TMTC2: variants seen among roughly 807,000 people sequenced by gnomAD.
The protein encoded by TMTC2 is transmembrane O-mannosyltransferase targeting cadherins 2.
TMTC2 carries 43 observed loss-of-function variants against 82.4 expected under a neutral mutation model. That is an observed-to-expected ratio of 0.52 (90% confidence interval 0.41 to 0.67). TMTC2 has a LOEUF of 0.67. Among genes scored for constraint, TMTC2 ranks in the 30% least tolerant of loss-of-function variants. The pLI is 0.00. For missense variants in TMTC2, 919 were observed against 1,012.4 expected, an observed-to-expected ratio of 0.91 and a Z score of 1.25; for synonymous variants, 408 against 381.9, an observed-to-expected ratio of 1.07 and a Z score of -0.80.
intron 1 of TMTC2, among the ~76,000 whole-genome samples, chr12:82,775,838 C>T (rs1877563731): frequency 6.6e-6 from 1 of 151,908 alleles, no homozygotes; most frequent in Non-Finnish European, 1.5e-5. Context: ...AAATTCTGCT[C>T]AGTTTCCTTT....
intron 4 of TMTC2, among the ~76,000 whole-genome samples, chr12:82,941,093 G>T (rs1000596098): frequency 6.6e-6 from 1 of 152,118 alleles, no homozygotes; most frequent in Non-Finnish European, 1.5e-5. Flanking sequence ...ATATAAAGGG[G>T]AACATGGTGT....
chr12:83,118,419 T>C (rs890029802), intron 11 of TMTC2, among the ~76,000 whole-genome samples: 1 of 152,208 alleles, frequency 6.6e-6, no homozygotes, highest in African/African-American at 2.4e-5. Flanking sequence ...TCGGCATCTA[T>C]TAAGATGATC....
At chr12:83,052,013 C>G (rs1177371131) in intron 10 of TMTC2, among the ~76,000 whole-genome samples, 3 of 152,020 alleles carry the variant, frequency 2.0e-5, no homozygotes, top group Non-Finnish European at 2.9e-5. Context: ...ACATGTAACT[C>G]CTCCCATATT....
intron 1 of TMTC2, among the ~76,000 whole-genome samples, chr12:82,793,694 A>G (rs1878570611): frequency 6.6e-6 from 1 of 152,130 alleles, no homozygotes; most frequent in African/African-American, 2.4e-5. Flanking sequence ...TAGGAGCTAT[A>G]TGGTATGGGG....
intron 8 of TMTC2, among the ~76,000 whole-genome samples, chr12:82,997,348 G>GTGTATATA (rs1879685001): frequency 9.3e-5 from 2 of 21,598 alleles, no homozygotes; most frequent in African/African-American, 1.1e-4. Flanking sequence ...GTGTGTGTGT[G>GTGTATATA]TATATATATA....
At chr12:82,906,946 T>G (rs1438829536) in intron 3 of TMTC2, among the ~76,000 whole-genome samples, 4 of 152,204 alleles carry the variant, frequency 2.6e-5, no homozygotes, top group Non-Finnish European at 5.9e-5. Context: ...TCTCAGTCCA[T>G]ATCTTCTCTA....
intron 11 of TMTC2, among the ~76,000 whole-genome samples, chr12:83,128,041 G>T (rs1885148370): frequency 1.3e-5 from 2 of 152,288 alleles, no homozygotes; most frequent in East Asian, 1.9e-4. Context: ...TGAAGTAGGA[G>T]ATGGTGTCAT....
At chr12:82,806,117 G>A (rs1401981041) in intron 1 of TMTC2, among the ~76,000 whole-genome samples, 1 of 152,086 alleles carries the variant, frequency 6.6e-6, no homozygotes, top group African/African-American at 2.4e-5. Flanking sequence ...AGCACTGGGA[G>A]GAATTGGAAG....
chr12:82,810,247 C>T (rs927905462), intron 1 of TMTC2, among the ~76,000 whole-genome samples: 8 of 151,086 alleles, frequency 5.3e-5, no homozygotes, highest in African/African-American at 9.7e-5. Flanking sequence ...GAAGCTTATA[C>T]TGATTACTGT....
intron 11 of TMTC2, among the ~76,000 whole-genome samples, chr12:83,064,023 TTTTTC>T (rs1446574811): frequency 3.0e-5 from 4 of 134,508 alleles, no homozygotes; most frequent in East Asian, 2.3e-4. Flanking sequence ...GAGATCAGAG[TTTTTC>T]TTTTTTTTTT....
At chr12:82,955,523 T>C (rs1877567448) in intron 4 of TMTC2, among the ~76,000 whole-genome samples, 1 of 151,992 alleles carries the variant, frequency 6.6e-6, no homozygotes, top group Non-Finnish European at 1.5e-5. Context: ...ATGGGCAAAA[T>C]GTTCCTAGGG....
chr12:82,961,198 T>G (rs977857794), intron 4 of TMTC2, among the ~76,000 whole-genome samples: 1 of 2,172 alleles, frequency 4.6e-4, no homozygotes, highest in African/African-American at 2.6e-3. Flanking sequence ...GCCACTATTA[T>G]TATTATTATT....
intron 2 of TMTC2, among the ~76,000 whole-genome samples, chr12:82,873,296 G>A (rs1022126247): frequency 6.0e-5 from 9 of 149,272 alleles, no homozygotes; most frequent in Non-Finnish European, 1.0e-4. Flanking sequence ...TTTTGACTTC[G>A]AACCATGTGG....
chr12:83,103,550 G>A (rs1032450073), intron 11 of TMTC2, among the ~76,000 whole-genome samples: 2 of 152,064 alleles, frequency 1.3e-5, no homozygotes, highest in Admixed American at 6.5e-5. Flanking sequence ...AAGTACACAC[G>A]ATTGCAGGGA....
At chr12:82,906,066 A>G (rs138314753) in intron 3 of TMTC2, among the ~76,000 whole-genome samples, 133 of 152,196 alleles carry the variant, frequency 8.7e-4, no homozygotes, top group Non-Finnish European at 1.7e-3. Context: ...TCAATTTAAC[A>G]TGGCATCAAA....
At chr12:83,125,433 A>C (rs1419677632) in intron 11 of TMTC2, among the ~76,000 whole-genome samples, 2 of 152,184 alleles carry the variant, frequency 1.3e-5, no homozygotes, top group Non-Finnish European at 2.9e-5. Context: ...TTTTGTACAA[A>C]TGTTAAGAAC....
intron 4 of TMTC2, among the ~76,000 whole-genome samples, chr12:82,934,671 C>A (rs1250263583): frequency 1.3e-5 from 2 of 152,110 alleles, no homozygotes; most frequent in African/African-American, 4.8e-5. Context: ...CTATTGTGAA[C>A]ACTGCTGCAA....
At position 82,876,737 on chromosome 12, in the gene TMTC2, C is replaced by T. The variant is rs563826963; in HGVS notation, c.655-19081C>T. 8.6e-5 allele frequency among the ~76,000 whole-genome samples: 13 copies of T among 151,942 alleles called. No homozygotes were observed. The East Asian group carries it at 1.5e-3, about 18-fold the overall frequency. On this transcript the variant is annotated intron_variant, in intron 2 of 11. Transcript: ENST00000321196. The stretch of plus-strand genomic sequence containing the variant: ...TTTCATTTCGTTTTGTTTTTTGCAA[C>T]GATTTGTAATATTTACTTCTTTATC...
intron 2 of TMTC2, among the ~76,000 whole-genome samples, chr12:82,863,425 CT>C (rs1354778289): frequency 6.6e-6 from 1 of 152,160 alleles, no homozygotes; most frequent in Non-Finnish European, 1.5e-5. Context: ...TCCCAGTAAA[CT>C]TGTGGCATTT....
Sources: allele counts gnomAD v4.1 joint callset (sites outside exome capture counted in the v4.1 genomes callset), GRCh38; gene constraint gnomAD v4.1.1; transcripts MANE v1.5; gene names NCBI Gene and HGNC (gene_info 2026-07-23, HGNC 2026-07-21).